CSMD2: variants seen among roughly 807,000 people sequenced by gnomAD.
CSMD2 encodes the protein CUB and Sushi multiple domains 2.
CSMD2 carries 130 observed loss-of-function variants against 398.5 expected under a neutral mutation model. That is an observed-to-expected ratio of 0.33 (90% confidence interval 0.28 to 0.38). CSMD2 has a LOEUF of 0.38. CSMD2 is among the 10% of genes least tolerant of loss of function. The probability of loss-of-function intolerance (pLI) is 1.00; values close to 1 mark genes in which losing one functional copy is unlikely to be tolerated. For missense variants in CSMD2, 3,829 were observed against 4,764.9 expected (o/e 0.80, Z 5.78); for synonymous variants, 1,828 against 1,908.5 (o/e 0.96, Z 1.10).
intron 3 of CSMD2, among the ~76,000 whole-genome samples, chr1:33,948,311 G>C (rs1644900531): frequency 6.6e-6 from 1 of 152,110 alleles, no homozygotes. Flanking sequence ...TCTACCCTCT[G>C]CCTTCTGCCC....
chr1:33,615,819 A>G (rs899442951), intron 39 of CSMD2, among the ~76,000 whole-genome samples: 2 of 152,230 alleles, frequency 1.3e-5, no homozygotes, highest in African/African-American at 2.4e-5. Context: ...TGGTGAAACC[A>G]CAGAAGAGAA....
chr1:33,764,406 G>A (rs988544034), intron 13 of CSMD2, among the ~76,000 whole-genome samples: 4 of 152,106 alleles, frequency 2.6e-5, no homozygotes, highest in Non-Finnish European at 4.4e-5. Flanking sequence ...CACTCAAGGC[G>A]ACGTCCCCTT....
intron 5 of CSMD2, among the ~76,000 whole-genome samples, chr1:33,901,042 G>T (rs1015608648): frequency 6.6e-6 from 1 of 151,982 alleles, no homozygotes; most frequent in Non-Finnish European, 1.5e-5. Context: ...CCACGTGTAG[G>T]TGAGGAGGAA....
chr1:33,654,965 CTAGA>C (rs1643903608), intron 27 of CSMD2, among the ~76,000 whole-genome samples: 1 of 152,278 alleles, frequency 6.6e-6, no homozygotes, highest in African/African-American at 2.4e-5. Context: ...CAGATCTCTT[CTAGA>C]TAGTTCCATG....
intron 25 of CSMD2, among the ~76,000 whole-genome samples, chr1:33,689,880 G>T (rs939741828): frequency 4.6e-5 from 7 of 152,320 alleles, no homozygotes; most frequent in Middle Eastern, 3.4e-3. Flanking sequence ...AACGCCATTT[G>T]GGTGTAGGCG....
intron 7 of CSMD2, among the ~76,000 whole-genome samples, chr1:33,821,373 C>T (rs935465087): frequency 6.6e-6 from 1 of 152,164 alleles, no homozygotes; most frequent in South Asian, 2.1e-4. Flanking sequence ...TCCTTTTCGT[C>T]GGGATGCTGG....
intron 5 of CSMD2, among the ~76,000 whole-genome samples, chr1:33,850,197 T>A (rs1342834724): frequency 6.6e-6 from 1 of 152,080 alleles, no homozygotes; most frequent in Non-Finnish European, 1.5e-5. Context: ...CCGGTTTGAC[T>A]CCTGCCTGCC....
At chr1:33,952,674 T>C (rs573232020) in intron 3 of CSMD2, among the ~76,000 whole-genome samples, 59 of 140,878 alleles carry the variant, frequency 4.2e-4, no homozygotes, top group African/African-American at 1.7e-3. Context: ...TTTTTGTTGT[T>C]TACACACACA....
chr1:34,075,942 C>T (rs1009614669), intron 2 of CSMD2, among the ~76,000 whole-genome samples: 9 of 152,210 alleles, frequency 5.9e-5, no homozygotes, highest in African/African-American at 1.9e-4. Context: ...CTCCTACTCC[C>T]GTTCCCCACC....
intron 12 of CSMD2, among the ~76,000 whole-genome samples, chr1:33,783,463 C>A (rs936167314): frequency 6.8e-6 from 1 of 146,984 alleles, no homozygotes; most frequent in African/African-American, 2.7e-5. Flanking sequence ...CTCTCTCTCT[C>A]TCTCTCTCTC....
chr1:33,628,749 G>A (rs1398661277), intron 32 of CSMD2, among the ~76,000 whole-genome samples: 2 of 151,270 alleles, frequency 1.3e-5, no homozygotes, highest in African/African-American at 4.9e-5. Context: ...TATTTGCCAA[G>A]TGCAAGGTAG....
intron 43 of CSMD2, among the ~76,000 whole-genome samples, chr1:33,601,264 T>C (rs1640199056): frequency 6.6e-6 from 1 of 152,146 alleles, no homozygotes; most frequent in Non-Finnish European, 1.5e-5. Context: ...AATGGGCTCC[T>C]GGGCAAATTT....
chr1:33,904,118 G>A (rs1642924443), intron 5 of CSMD2, among the ~76,000 whole-genome samples: 1 of 152,164 alleles, frequency 6.6e-6, no homozygotes, highest in East Asian at 1.9e-4. Flanking sequence ...TAAGCCATTG[G>A]GAGGCTTTAA....
At chr1:33,938,873 C>A (rs1644573747) in intron 3 of CSMD2, among the ~76,000 whole-genome samples, 1 of 150,976 alleles carries the variant, frequency 6.6e-6, no homozygotes, top group African/African-American at 2.4e-5. Context: ...TGGCATTTCC[C>A]ATAATCCCAT....
chr1:33,987,178 T>C (rs760214468), intron 3 of CSMD2, among the ~76,000 whole-genome samples: 8 of 152,164 alleles, frequency 5.3e-5, no homozygotes, highest in Admixed American at 1.3e-4. Context: ...CAAGTCCTTG[T>C]TCTTCCACTA....
intron 21 of CSMD2, among the ~76,000 whole-genome samples, chr1:33,711,192 G>A (rs990393912): frequency 2.0e-5 from 3 of 152,044 alleles, no homozygotes; most frequent in East Asian, 3.9e-4. Flanking sequence ...AGGATTTGTC[G>A]GGGGGAGGGG....
At chr1:33,594,664 T>C (rs890768854) in intron 44 of CSMD2, among the ~76,000 whole-genome samples, 2 of 152,172 alleles carry the variant, frequency 1.3e-5, no homozygotes, top group South Asian at 2.1e-4. Flanking sequence ...TCTTCTATCT[T>C]CTCTCTACCA....
chr1:33,782,273 G>A (rs1246264568), intron 12 of CSMD2, among the ~76,000 whole-genome samples: 1 of 152,176 alleles, frequency 6.6e-6, no homozygotes, highest in East Asian at 1.9e-4. Flanking sequence ...TAAAATGGAG[G>A]CAGAGGTAAT....
At chr1:33,740,606 A>G (rs1024569960) in intron 14 of CSMD2, among the ~76,000 whole-genome samples, 5 of 152,190 alleles carry the variant, frequency 3.3e-5, no homozygotes, top group African/African-American at 1.2e-4. Context: ...TGAGTGCCCA[A>G]CACCCTTCCA....
Sources: allele counts gnomAD v4.1 joint callset (sites outside exome capture counted in the v4.1 genomes callset), GRCh38; gene constraint gnomAD v4.1.1; transcripts MANE v1.5; gene names NCBI Gene and HGNC (gene_info 2026-07-23, HGNC 2026-07-21).